The following MED13L variants were observed in gnomAD, a reference collection of about 807,000 sequenced individuals.
MED13L encodes the protein mediator of RNA polymerase II transcription subunit 13-like.
A neutral mutation model predicts 220.9 loss-of-function variants in MED13L; 7 were observed. The observed-to-expected ratio is 0.03, with a 90% confidence interval of 0.02 to 0.06. The LOEUF is 0.06. MED13L is among the 10% of genes least tolerant of loss of function. The pLI, the probability that MED13L is intolerant of heterozygous loss-of-function variation, is 1.00. For missense variants in MED13L, 1,965 were observed against 2,760.5 expected, an observed-to-expected ratio of 0.71 and a Z score of 6.46; for synonymous variants, 1,011 against 1,015.2, an observed-to-expected ratio of 1.00 and a Z score of 0.08.
At chr12:115,989,645 A>T (rs1325704726) in intron 17 of MED13L, among the ~76,000 whole-genome samples, 1 of 152,160 alleles carries the variant, frequency 6.6e-6, no homozygotes, top group Non-Finnish European at 1.5e-5. Flanking sequence ...AAACTTCCAC[A>T]ACTCAATTTA....
At chr12:116,272,233 TGA>T (rs945841937) in intron 1 of MED13L, among the ~76,000 whole-genome samples, 3 of 152,284 alleles carry the variant, frequency 2.0e-5, no homozygotes, top group Non-Finnish European at 4.4e-5. Flanking sequence ...TACAAACTGG[TGA>T]GAGAGATCTC....
At chr12:115,977,564 T>C (rs1367127481) in intron 23 of MED13L, among the ~76,000 whole-genome samples, 1 of 152,214 alleles carries the variant, frequency 6.6e-6, no homozygotes, top group Non-Finnish European at 1.5e-5. Flanking sequence ...GTCCATCAAC[T>C]AATGAATGGA....
Position 115,975,307 on chromosome 12 carries a change from C to T in MED13L, c.5595G>A (p.Arg1865=). Residue 1865 remains arginine (R), a synonymous_variant, in exon 25 of 31, where the codon CGG becomes CGA. Coordinates refer to ENST00000281928, the MANE Select transcript of MED13L (RefSeq NM_015335.5). ...TTTTACGTGCAGATACTTTACTCCT[C>T]CGTGACCTAACAAATAAAGAAATGG... is the stretch of plus-strand genomic sequence containing the variant. ...VVNIALPNRS[R]RSKVSARKIG... 1 of 1,614,130 alleles carries T rather than the reference C, an allele frequency of 6.2e-7. No individual in the cohort carries two copies. Among genetic ancestry groups the T allele is most frequent in the Non-Finnish European group, 8.5e-7 (1 of 1,180,008 alleles).
At chr12:115,983,015 T>C in intron 21 of MED13L, 102 bp downstream of exon 21, 10 of 1,308,852 alleles carry the variant, frequency 7.6e-6, no homozygotes, top group South Asian at 7.3e-5. Context: ...GAGCACTTCA[T>C]AGGATTCACA....
chr12:116,276,450 T>A, intron 1 of MED13L: 1 of 1,288,710 alleles, frequency 7.8e-7, no homozygotes, highest in Non-Finnish European at 1.0e-6. Context: ...CTCGGTGCAA[T>A]GGCTTTACGG....
chr12:116,201,485 G>A (rs936437175), intron 2 of MED13L, among the ~76,000 whole-genome samples: 2 of 151,850 alleles, frequency 1.3e-5, no homozygotes, highest in Non-Finnish European at 2.9e-5. Flanking sequence ...TAAAACATTT[G>A]ATTTTTAAAA....
Position 116,006,098 on chromosome 12 carries a change from T to C in MED13L, c.2345-105A>G, listed in dbSNP as rs140073068. The C allele has an allele frequency of 3.6e-4, 546 of 1,507,314 alleles. 3 individuals are homozygous for C. In the African/African-American group the frequency reaches 6.3e-3, roughly 17 times the overall value. 93.4% of individuals were successfully genotyped at this position (1,507,314 alleles called of 1,614,324 possible). A position where few individuals can be genotyped will look rare whatever the true frequency, so the allele number is the denominator to read the frequency against. On this transcript the variant is annotated intron_variant, in intron 12 of 30. Transcript: ENST00000281928. Reference sequence around the variant, plus strand: ...TGAACATGACCTGCCTGTGAGTTTTTCCCTATGGTTTTAGTTAAATTTAGA... The same window carrying C: ...TGAACATGACCTGCCTGTGAGTTTTCCCCTATGGTTTTAGTTAAATTTAGA...
At chr12:116,251,192 GAAAACA>G (rs998441690) in intron 1 of MED13L, among the ~76,000 whole-genome samples, 1 of 146,420 alleles carries the variant, frequency 6.8e-6, no homozygotes, top group East Asian at 2.0e-4. Context: ...CAATAGGGAG[GAAAACA>G]AAAACAAAAA....
In MED13L at chr12:115,960,658, AAAAT is replaced by A. The variant is rs1377960111; in HGVS notation, c.*604_*607del. ...CAAAAACCATATGACAAAACAAATT[AAAAT>A]AAATAAACAAAATGAAGCTGTCTCC... On this transcript the variant is annotated 3_prime_UTR_variant, in exon 31 of 31. Transcript: ENST00000281928. The A allele has an allele frequency of 6.3e-6, 1 of 158,442 alleles. No homozygotes were observed. Among genetic ancestry groups the A allele is most frequent in the Non-Finnish European group, 1.4e-5 (1 of 71,100 alleles). The allele number at this position is 158,442 out of a possible 1,614,324, so 9.8% of individuals were successfully genotyped here.
At chr12:116,184,010 C>A (rs549988412) in intron 2 of MED13L, among the ~76,000 whole-genome samples, 18 of 152,256 alleles carry the variant, frequency 1.2e-4, no homozygotes, top group African/African-American at 4.3e-4. Context: ...ACCATGCCAA[C>A]CTCCCTTAAG....
intron 14 of MED13L, among the ~76,000 whole-genome samples, chr12:115,997,439 T>C (rs1878475906): frequency 6.6e-6 from 1 of 152,184 alleles, no homozygotes. Flanking sequence ...TTTTGTTTCG[T>C]GAGACAAAGT....
At chr12:116,001,599 T>A (rs1418297575) in intron 14 of MED13L, among the ~76,000 whole-genome samples, 1 of 152,166 alleles carries the variant, frequency 6.6e-6, no homozygotes, top group Non-Finnish European at 1.5e-5. Flanking sequence ...TACTGTGTGT[T>A]CCCCTCACTC....
chr12:116,237,752 G>T, intron 1 of MED13L, 47 bp from the exon 2 acceptor site: 1 of 1,516,628 alleles, frequency 6.6e-7, no homozygotes, highest in South Asian at 1.1e-5. Context: ...TTTACTTACA[G>T]ACCACTAAAA....
chr12:116,009,110 CACA>C lies in MED13L; in HGVS notation c.1300_1302del (p.Cys434del), dbSNP rs746994172. On this transcript the variant is annotated inframe_deletion, in exon 10 of 31. Coordinates refer to ENST00000281928, the MANE Select transcript of MED13L (RefSeq NM_015335.5). ...GTGGGAGGTCGATTGGGCCCGACTG[CACA>C]ACGTTTTAAAAGCTTATGCCTAAAA... 2.5e-6 allele frequency: 4 copies of C among 1,614,004 alleles called. No individual in the cohort carries two copies. Among genetic ancestry groups the C allele is most frequent in the South Asian group, 1.1e-5 (1 of 91,084 alleles).
intron 12 of MED13L, 131 bp from the exon 13 acceptor site, chr12:116,006,124 G>A: frequency 7.2e-7 from 1 of 1,393,068 alleles, no homozygotes; most frequent in Non-Finnish European, 1.0e-6. Flanking sequence ...TAAATTTAGA[G>A]ACAATTATTT....
chr12:116,066,605 T>C (rs948720739), intron 4 of MED13L, among the ~76,000 whole-genome samples: 24 of 152,186 alleles, frequency 1.6e-4, no homozygotes, highest in Non-Finnish European at 1.9e-4. Flanking sequence ...ACTTCTATAC[T>C]GTTAAATTTT....
chr12:116,267,098 G>A (rs1872890198), intron 1 of MED13L, among the ~76,000 whole-genome samples: 1 of 152,110 alleles, frequency 6.6e-6, no homozygotes, highest in Admixed American at 6.5e-5. Context: ...AAAGTTCAAA[G>A]AGCACTCCAG....
chr12:116,207,513 G>A (rs759300770), intron 2 of MED13L, among the ~76,000 whole-genome samples: 7 of 152,112 alleles, frequency 4.6e-5, no homozygotes, highest in Non-Finnish European at 1.0e-4. Context: ...GGCATTAAGC[G>A]ACACATTGCT....
intron 16 of MED13L, among the ~76,000 whole-genome samples, chr12:115,993,633 G>A (rs1235309647): frequency 4.0e-5 from 6 of 151,600 alleles, no homozygotes; most frequent in Admixed American, 2.6e-4. Context: ...GTGTAATAAC[G>A]ATCTTTACTC....
Sources: allele counts gnomAD v4.1 joint callset (sites outside exome capture counted in the v4.1 genomes callset), GRCh38; gene constraint gnomAD v4.1.1; transcripts MANE v1.5; gene names NCBI Gene and HGNC (gene_info 2026-07-23, HGNC 2026-07-21).